SLC25A26: variants seen among roughly 807,000 people sequenced by gnomAD.
SLC25A26 encodes the protein mitochondrial S-adenosylmethionine carrier protein.
SLC25A26 carries 36 observed loss-of-function variants against 37.8 expected under a neutral mutation model. The observed-to-expected ratio is 0.95, with a 90% CI of 0.73 to 1.26. The LOEUF (loss-of-function observed/expected upper bound fraction) is 1.26. Among genes scored for constraint, SLC25A26 ranks in the 50% most tolerant of loss-of-function variants. The pLI is 0.00. For missense variants in SLC25A26, 390 were observed against 331.1 expected, an observed-to-expected ratio of 1.18 and a Z score of -1.38; for synonymous variants, 129 against 122.5, an observed-to-expected ratio of 1.05 and a Z score of -0.35.
intron 5 of SLC25A26, among the ~76,000 whole-genome samples, chr3:66,268,298 C>T (rs554174629): frequency 2.9e-4 from 44 of 152,240 alleles, no homozygotes; most frequent in South Asian, 1.7e-3. Flanking sequence ...TGAAAAGTAT[C>T]GGCATTTGTA....
In SLC25A26 at chr3:66,222,244, C is replaced by T. The variant is rs148256068; in HGVS notation, c.33+1117C>T. On this transcript the variant is annotated intron_variant, in intron 1 of 9. Transcript: ENST00000354883. ...CGCCCAGGCTGGAGTGTGGTGGCGC[C>T]ATCTCGGCTCACTGCAGGCTCCACC... 3.7e-3 allele frequency among the ~76,000 whole-genome samples: 558 copies of T among 151,100 alleles called. 3 individuals are homozygous for T. Among genetic ancestry groups the T allele is most frequent in the East Asian group, 0.016 (81 of 5,134 alleles).
At position 66,374,649 on chromosome 3, in the gene SLC25A26, C is replaced by T. The variant is rs867481028; in HGVS notation, c.708-3041C>T. Among the ~76,000 whole-genome samples, 25 of 152,192 alleles carry T rather than the reference C, an allele frequency of 1.6e-4. 1 individual carries two copies. Among genetic ancestry groups the T allele is most frequent in the South Asian group, 4.1e-4 (2 of 4,832 alleles). ...CCTGTAATCCCAGGATTTTGGGGGG[C>T]CAAGGTGGCAGATGGCTTGAGCCCA... is the stretch of plus-strand genomic sequence containing the variant. On this transcript the variant is annotated intron_variant, in intron 9 of 9. Coordinates refer to ENST00000354883, the MANE Select transcript of SLC25A26 (RefSeq NM_001379210.1).
chr3:66,142,234 G>A, intron 1 of SLC25A26, among the ~76,000 whole-genome samples: 1 of 152,170 alleles, frequency 6.6e-6, no homozygotes, highest in East Asian at 1.9e-4. Context: ...AATCATGGAA[G>A]ATATGATCTT....
At chr3:66,319,465 G>A (rs2075633310) in intron 5 of SLC25A26, among the ~76,000 whole-genome samples, 1 of 151,980 alleles carries the variant, frequency 6.6e-6, no homozygotes, top group African/African-American at 2.4e-5. Flanking sequence ...TCTTATGACT[G>A]GGGGAAACAA....
At chr3:66,249,314 C>G (rs2072986571) in intron 3 of SLC25A26, among the ~76,000 whole-genome samples, 2 of 152,126 alleles carry the variant, frequency 1.3e-5, no homozygotes, top group Non-Finnish European at 2.9e-5. Flanking sequence ...GCCGTTGGAC[C>G]CCCTTTGTAC....
In SLC25A26 at chr3:66,221,530, T is replaced by C. The variant is rs144210509; in HGVS notation, c.33+403T>C. Among the ~76,000 whole-genome samples the C allele has an allele frequency of 3.7e-3, 559 of 152,274 alleles. 3 individuals are homozygous for C. The highest frequency in any genetic ancestry group is 0.017 in the East Asian group (88 of 5,170). On this transcript the variant is annotated intron_variant, in intron 1 of 9. Coordinates refer to ENST00000354883, the MANE Select transcript of SLC25A26 (RefSeq NM_001379210.1). ...CGCTCCCAGCCCTTCTATTCAATAC[T>C]ACGTTTCTCATTTTGCTGCATCTCT... is the stretch of plus-strand genomic sequence containing the variant.
At chr3:66,209,442 GAT>G (rs1183636546) in intron 1 of SLC25A26, among the ~76,000 whole-genome samples, 46 of 135,218 alleles carry the variant, frequency 3.4e-4, no homozygotes, top group East Asian at 2.7e-3. Flanking sequence ...GTCACATAAA[GAT>G]ATATATATAA....
intron 7 of SLC25A26, among the ~76,000 whole-genome samples, chr3:66,366,146 C>G (rs903343563): frequency 2.0e-5 from 3 of 152,174 alleles, no homozygotes; most frequent in Admixed American, 6.5e-5. Flanking sequence ...CAGTACAAAC[C>G]TAACTCCAGT....
intron 1 of SLC25A26, among the ~76,000 whole-genome samples, chr3:66,138,802 C>T (rs752562050): frequency 7.2e-5 from 11 of 152,102 alleles, no homozygotes; most frequent in Non-Finnish European, 1.2e-4. Flanking sequence ...TTGGAAGCCA[C>T]CCATTAATCT....
At chr3:66,304,402 C>T (rs958569889) in intron 5 of SLC25A26, 1 of 455,936 alleles carries the variant, frequency 2.2e-6, no homozygotes, top group East Asian at 7.0e-5. Flanking sequence ...TGTTCAGTTT[C>T]AGTTTTGTGT....
chr3:66,174,137 G>C (rs752794478), intron 1 of SLC25A26, among the ~76,000 whole-genome samples: 3 of 126,174 alleles, frequency 2.4e-5, no homozygotes, highest in Middle Eastern at 5.2e-3. Context: ...GCAGAAAACA[G>C]ATAGGATGCT....
At chr3:66,286,701 C>G (rs937626759) in intron 5 of SLC25A26, among the ~76,000 whole-genome samples, 1 of 152,116 alleles carries the variant, frequency 6.6e-6, no homozygotes, top group African/African-American at 2.4e-5. Flanking sequence ...TTTCTCGAGA[C>G]AAGGGTGTTG....
chr3:66,162,631 G>A (rs1455791459), intron 1 of SLC25A26, among the ~76,000 whole-genome samples: 1 of 152,164 alleles, frequency 6.6e-6, no homozygotes, highest in Admixed American at 6.5e-5. Context: ...TTAAAGATGG[G>A]ACAATAGGCA....
chr3:66,377,814 GAC>G lies in SLC25A26; in HGVS notation c.*9_*10del. 2 of 1,605,416 alleles carry G rather than the reference GAC, an allele frequency of 1.2e-6. No individual in the cohort carries two copies. Among genetic ancestry groups the G allele is most frequent in the Non-Finnish European group, 1.7e-6 (2 of 1,172,222 alleles). Reference sequence around the variant, plus strand: ...TGGCAGAAAGAGTCCTTGAAGCAGAGACAAGCCTCACCTCCACTTCTGTCAAG... The same window carrying G: ...TGGCAGAAAGAGTCCTTGAAGCAGAGAAGCCTCACCTCCACTTCTGTCAAG... On this transcript the variant is annotated 3_prime_UTR_variant, in exon 10 of 10. Transcript: ENST00000354883.
At chr3:66,281,241 A>G (rs2074325900) in intron 5 of SLC25A26, among the ~76,000 whole-genome samples, 1 of 152,186 alleles carries the variant, frequency 6.6e-6, no homozygotes, top group Non-Finnish European at 1.5e-5. Flanking sequence ...AGGAGGCACA[A>G]AAAGTCTTAC....
rs1306601737 is a variant in SLC25A26 at position 66,209,037 on chromosome 3, G to A, written c.-353-11705G>A. ...ATATATATATACACACCCATATAAAGGTGTATATATATATATATATATATA... is the reference window on the plus strand; with the variant it reads ...ATATATATATACACACCCATATAAAAGTGTATATATATATATATATATATA... On this transcript the variant is annotated intron_variant, in intron 1 of 10. Coordinates refer to the SLC25A26 transcript ENST00000676754. Among the ~76,000 whole-genome samples the A allele has an allele frequency of 1.6e-3, 25 of 15,760 alleles. 1 individual carries two copies. The highest frequency in any genetic ancestry group is 3.4e-3 in the South Asian group (1 of 296). The allele number at this position is 15,760 out of a possible 152,430, so 10.3% of individuals were successfully genotyped here.
intron 5 of SLC25A26, among the ~76,000 whole-genome samples, chr3:66,287,252 C>A (rs180837835): frequency 6.6e-6 from 1 of 150,944 alleles, no homozygotes; most frequent in Non-Finnish European, 1.5e-5. Context: ...GCCCAGATCA[C>A]GCCATTGCAC....
chr3:66,377,614 G>A, intron 9 of SLC25A26, 76 bp from the exon 10 acceptor site: 4 of 1,184,042 alleles, frequency 3.4e-6, no homozygotes, highest in Non-Finnish European at 5.0e-6. Flanking sequence ...GTATTGAGCT[G>A]AGCAAGCTGT....
chr3:66,293,893 G>A (rs1317290036), intron 5 of SLC25A26, among the ~76,000 whole-genome samples: 1 of 152,040 alleles, frequency 6.6e-6, no homozygotes, highest in Non-Finnish European at 1.5e-5. Context: ...TATTCCTTTG[G>A]GTATATACTC....
Sources: gnomAD v4.1 joint callset for allele counts (sites outside exome capture counted in the v4.1 genomes callset) on GRCh38, gnomAD v4.1.1 for gene constraint, MANE v1.5 for transcripts, NCBI Gene and HGNC (gene_info 2026-07-23, HGNC 2026-07-21) for gene names.